Variants in MEGF6 observed in about 807,000 individuals in gnomAD.
MEGF6 encodes the protein multiple epidermal growth factor-like domains protein 6.
Under a neutral mutation model 207.1 loss-of-function variants are expected in MEGF6, and 184 were observed. That is an observed-to-expected ratio of 0.89 (90% confidence interval 0.79 to 1.00). The LOEUF (loss-of-function observed/expected upper bound fraction) is 1.00, where lower values mean the gene tolerates loss of function less well. MEGF6 is among the 50% of genes least tolerant of loss of function. MEGF6 has a pLI of 0.00. For synonymous variants in MEGF6, 1,038 were observed against 910.0 expected, an observed-to-expected ratio of 1.14 and a Z score of -2.53; for missense variants, 2,282 against 2,202.9, an observed-to-expected ratio of 1.04 and a Z score of -0.72.
chr1:3,597,594 C>T (rs1026338771), intron 2 of MEGF6, among the ~76,000 whole-genome samples: 2 of 152,166 alleles, frequency 1.3e-5, no homozygotes, highest in African/African-American at 4.8e-5. Context: ...CAGTGACGGG[C>T]GCCCTTATAA....
chr1:3,499,861 G>A lies in MEGF6; in HGVS notation c.2771C>T (p.Ala924Val). The part of the protein sequence containing the change: ...EQRCQCQHGA[A>V]CDHVSGACTC... Reference sequence around the variant, plus strand: ...GCAGGCCCCGCTGACGTGGTCACAGGCTGCTCCATGCTGACACTGGCACCG... The same window carrying A: ...GCAGGCCCCGCTGACGTGGTCACAGACTGCTCCATGCTGACACTGGCACCG... Residue 924 changes from alanine (A) to valine (V), a missense_variant, in exon 22 of 37, where the codon GCC (alanine) becomes GTC (valine). Physicochemically the swap from Ala to Val is moderately conservative, Grantham distance 64. Transcript: ENST00000356575. 1 of 1,556,178 alleles carries A rather than the reference G, an allele frequency of 6.4e-7. No individual in the cohort carries two copies. Among genetic ancestry groups the A allele is most frequent in the Non-Finnish European group, 8.7e-7 (1 of 1,150,714 alleles).
intron 3 of MEGF6, among the ~76,000 whole-genome samples, chr1:3,593,612 A>G (rs1036495791): frequency 1.1e-4 from 17 of 148,122 alleles, no homozygotes; most frequent in African/African-American, 4.0e-4. Context: ...CAAGCTGCCT[A>G]TTGTTTCCCC....
intron 2 of MEGF6, among the ~76,000 whole-genome samples, chr1:3,598,738 C>T (rs1644113117): frequency 6.6e-6 from 1 of 151,364 alleles, no homozygotes; most frequent in African/African-American, 2.4e-5. Context: ...CCCCGGGGCC[C>T]ACTCCTCTGC....
At chr1:3,506,016 C>A in intron 15 of MEGF6, 92 bp downstream of exon 15, 1 of 1,463,342 alleles carries the variant, frequency 6.8e-7, no homozygotes, top group Non-Finnish European at 9.1e-7. Context: ...CCGATAGCCT[C>A]ATCCTAACCC....
intron 25 of MEGF6, 27 bp from the exon 26 acceptor site, chr1:3,498,526 G>A (rs773926183): frequency 1.9e-6 from 3 of 1,544,212 alleles, no homozygotes; most frequent in African/African-American, 1.4e-5. Flanking sequence ...AGGCACGAGG[G>A]TGAGGGTCCT....
At chr1:3,563,627 T>C (rs1307467767) in intron 4 of MEGF6, among the ~76,000 whole-genome samples, 2 of 152,226 alleles carry the variant, frequency 1.3e-5, no homozygotes, top group Admixed American at 6.5e-5. Flanking sequence ...GTTTCACTCA[T>C]GAGCTGGGTT....
intron 4 of MEGF6, among the ~76,000 whole-genome samples, chr1:3,548,632 C>T (rs1642791308): frequency 6.6e-6 from 1 of 152,340 alleles, no homozygotes; most frequent in African/African-American, 2.4e-5. Flanking sequence ...TGGGACCTGT[C>T]CTGACACTGG....
In MEGF6 at chr1:3,501,014, C is replaced by T. The variant is rs766124178; in HGVS notation, c.2527G>A (p.Gly843Arg). 1.9e-5 allele frequency: 31 copies of T among 1,612,440 alleles called. No homozygotes were observed. Among genetic ancestry groups the T allele is most frequent in the East Asian group, 1.6e-4 (7 of 44,882 alleles). ...ANDGHCHPATGHCSCAPGWTG... is the reference protein window; with the variant it reads ...ANDGHCHPATRHCSCAPGWTG... The stretch of plus-strand genomic sequence containing the variant: ...CACCCGGGGGCACAGCTGCAGTGTC[C>T]GGTGGCTGGGTGGCAGTGCCCATCA... The change falls in exon 20 of 37, where the codon GGA becomes AGA. Residue 843 changes from glycine (G) to arginine (R), a missense_variant. Physicochemically the swap from Gly to Arg is moderately radical, Grantham distance 125 (BLOSUM62 -2). Transcript: ENST00000356575.
In MEGF6 at chr1:3,579,942, G is replaced by T; in HGVS notation, c.377-13C>A. ...GCGCTGCATTCAGCTGCGGAGGGAAGGAGAAAATCGGTGAGAGGGGCAAGG... is the reference window on the plus strand; with the variant it reads ...GCGCTGCATTCAGCTGCGGAGGGAATGAGAAAATCGGTGAGAGGGGCAAGG... On this transcript the variant is annotated splice_polypyrimidine_tract_variant and intron_variant, in intron 3 of 36. Coordinates refer to ENST00000356575, the MANE Select transcript of MEGF6 (RefSeq NM_001409.4). 1 of 1,502,052 alleles carries T rather than the reference G, an allele frequency of 6.7e-7. No homozygotes were observed. Among genetic ancestry groups the T allele is most frequent in the Non-Finnish European group, 8.9e-7 (1 of 1,129,582 alleles). The allele number at this position is 1,502,052 out of a possible 1,614,324, so 93.0% of individuals were successfully genotyped here. A position where few individuals can be genotyped will look rare whatever the true frequency, so the allele number is the denominator to read the frequency against.
At chr1:3,511,006 A>C in intron 9 of MEGF6, 104 bp from the exon 10 acceptor site, 1 of 1,469,090 alleles carries the variant, frequency 6.8e-7, no homozygotes, top group East Asian at 2.4e-5. Flanking sequence ...CACGCGCCCG[A>C]CTGCACCTGC....
the MEGF6 span, among the ~76,000 whole-genome samples, chr1:3,618,905 G>C: frequency 6.6e-6 from 1 of 152,172 alleles, no homozygotes; most frequent in Non-Finnish European, 1.5e-5. The surrounding 1 kb of genome is among the most constrained non-coding windows in gnomAD (Gnocchi z 4.7). Flanking sequence ...CTCCAACCTG[G>C]GGGAGCTGGT....
At chr1:3,506,775 G>A (rs966110908) in intron 14 of MEGF6, among the ~76,000 whole-genome samples, 3 of 152,144 alleles carry the variant, frequency 2.0e-5, no homozygotes, top group Non-Finnish European at 4.4e-5. Flanking sequence ...ACACGTCCTA[G>A]TCCCCAGGAC....
chr1:3,586,170 G>A (rs764476125), intron 3 of MEGF6, among the ~76,000 whole-genome samples: 1 of 151,052 alleles, frequency 6.6e-6, no homozygotes, highest in South Asian at 2.1e-4. Context: ...CACATGTCCT[G>A]TGTGTGGGTG....
chr1:3,598,295 C>T (rs1023830916), intron 2 of MEGF6, among the ~76,000 whole-genome samples: 1 of 152,220 alleles, frequency 6.6e-6, no homozygotes, highest in African/African-American at 2.4e-5. Context: ...ATCCAACAAA[C>T]AAGCGGGGCC....
chr1:3,542,150 G>T (rs1322055337), intron 4 of MEGF6, among the ~76,000 whole-genome samples: 2 of 152,236 alleles, frequency 1.3e-5, no homozygotes, highest in African/African-American at 4.8e-5. Flanking sequence ...GTCAGCCGGG[G>T]TGGGAGCAGC....
At chr1:3,547,579 C>T (rs1642754311) in intron 4 of MEGF6, among the ~76,000 whole-genome samples, 1 of 152,144 alleles carries the variant, frequency 6.6e-6, no homozygotes, top group African/African-American at 2.4e-5. Context: ...CCTGCACAGC[C>T]ACTCCCCCTC....
At chr1:3,572,739 G>A (rs1643540687) in intron 4 of MEGF6, among the ~76,000 whole-genome samples, 2 of 148,568 alleles carry the variant, frequency 1.3e-5, no homozygotes, top group African/African-American at 5.0e-5. Flanking sequence ...TCTCAGGTGT[G>A]CTGGGTCCTT....
the MEGF6 span, chr1:3,623,627 A>G: frequency 1.3e-5 from 2 of 152,102 alleles, no homozygotes; most frequent in Non-Finnish European, 2.9e-5. Flanking sequence ...CTGTGGTGCA[A>G]CATGCGTCTG....
rs979800098 is a variant in MEGF6 at position 3,497,172 on chromosome 1, C to T, written c.3482-53G>A. On this transcript the variant is annotated intron_variant, in intron 27 of 36. Coordinates refer to ENST00000356575, the MANE Select transcript of MEGF6 (RefSeq NM_001409.4). ...TGGCCCAGCCCCGCCAAGGAACAGG[C>T]AGCCTCTCTGGATTCCCCCTGCCCA... is the stretch of plus-strand genomic sequence containing the variant. 4 of 1,541,924 alleles carry T rather than the reference C, an allele frequency of 2.6e-6. No individual in the cohort carries two copies. In the South Asian group the frequency reaches 4.9e-5, roughly 19 times the overall value.
Sources: gnomAD v4.1 joint callset for allele counts (sites outside exome capture counted in the v4.1 genomes callset) on GRCh38, gnomAD v4.1.1 for gene constraint, Gnocchi (gnomAD v3.1) non-coding constraint, MANE v1.5 for transcripts, NCBI Gene and HGNC (gene_info 2026-07-23, HGNC 2026-07-21) for gene names.